Variants in AUTS2 observed in about 807,000 individuals in gnomAD.
AUTS2 encodes activator of transcription and developmental regulator AUTS2, also known as autism susceptibility gene 2 protein.
Under a neutral mutation model 112.4 loss-of-function variants are expected in AUTS2, and 17 were observed. That is an observed-to-expected ratio of 0.15 (90% CI 0.10 to 0.23). AUTS2 has a LOEUF of 0.23. Among genes scored for constraint, AUTS2 ranks in the 10% least tolerant of loss-of-function variants. The pLI, the probability that AUTS2 is intolerant of heterozygous loss-of-function variation, is 1.00. For missense variants in AUTS2, 1,510 were observed against 1,701.6 expected, an observed-to-expected ratio of 0.89 and a Z score of 1.98; for synonymous variants, 751 against 702.7, an observed-to-expected ratio of 1.07 and a Z score of -1.09.
chr7:70,534,950 T>C (rs1800254138), intron 5 of AUTS2, among the ~76,000 whole-genome samples: 1 of 151,668 alleles, frequency 6.6e-6, no homozygotes, highest in African/African-American at 2.4e-5. Context: ...GAGGCCTGCA[T>C]AGAGTTGAAT....
At chr7:70,124,942 C>T (rs1056009755) in intron 3 of AUTS2, among the ~76,000 whole-genome samples, 3 of 152,208 alleles carry the variant, frequency 2.0e-5, no homozygotes, top group Non-Finnish European at 1.5e-5. Flanking sequence ...TTTGTTTTTT[C>T]TTTAAAAATT....
chr7:70,651,519 A>G (rs1806505973), intron 5 of AUTS2, among the ~76,000 whole-genome samples: 1 of 152,212 alleles, frequency 6.6e-6, no homozygotes, highest in South Asian at 2.1e-4. Context: ...ACACGCTCAA[A>G]ACACTTACAT....
intron 4 of AUTS2, among the ~76,000 whole-genome samples, chr7:70,280,976 G>A (rs960799789): frequency 6.6e-6 from 1 of 152,018 alleles, no homozygotes; most frequent in Non-Finnish European, 1.5e-5. Context: ...GGCAAATAGT[G>A]TATCTATGTC....
At chr7:70,636,159 A>T (rs971295829) in intron 5 of AUTS2, among the ~76,000 whole-genome samples, 3 of 152,216 alleles carry the variant, frequency 2.0e-5, no homozygotes, top group African/African-American at 7.2e-5. Flanking sequence ...CATTGCAGAG[A>T]GGCATGGATG....
intron 4 of AUTS2, among the ~76,000 whole-genome samples, chr7:70,156,927 A>AAAATG (rs1807802830): frequency 7.2e-6 from 1 of 138,550 alleles, no homozygotes; most frequent in Non-Finnish European, 1.5e-5. Context: ...AAAAAAAAAA[A>AAAATG]TTAGCTGGGC....
At chr7:70,084,128 T>C (rs1030459915) in intron 2 of AUTS2, among the ~76,000 whole-genome samples, 1 of 152,114 alleles carries the variant, frequency 6.6e-6, no homozygotes, top group East Asian at 1.9e-4. Context: ...CACTATAAAG[T>C]TGTATACATT....
chr7:70,694,091 G>A lies in AUTS2; in HGVS notation c.691-4478G>A, dbSNP rs1401602169. 1 of 151,474 alleles carries A rather than the reference G, an allele frequency of 6.6e-6. No homozygotes were observed. Among genetic ancestry groups the A allele is most frequent in the Non-Finnish European group, 1.5e-5 (1 of 67,778 alleles). The allele number at this position is 151,474 out of a possible 1,614,324, so 9.4% of individuals were successfully genotyped here. A position where few individuals can be genotyped will look rare whatever the true frequency, so the allele number is the denominator to read the frequency against. ...TGGAGGAGGCGCGCTCGGCGCAGTC[G>A]GGGAGCGAAGTCCGGAGCAAGGGGC... On this transcript the variant is annotated intron_variant, in intron 5 of 18. Transcript: ENST00000342771. This position sits in a 1 kb window ranked among gnomAD's most constrained non-coding sequence, Gnocchi z 4.1.
intron 1 of AUTS2, among the ~76,000 whole-genome samples, chr7:69,617,420 G>A (rs551929944): frequency 6.6e-5 from 10 of 152,262 alleles, no homozygotes; most frequent in Non-Finnish European, 1.0e-4. Context: ...ATAACCCGGA[G>A]GAGAGCTTTC....
intron 4 of AUTS2, among the ~76,000 whole-genome samples, chr7:70,213,174 A>T (rs879451844): frequency 5.8e-4 from 88 of 152,152 alleles, no homozygotes; most frequent in East Asian, 1.5e-3. Flanking sequence ...GAATTTTTTT[A>T]AAAAAAGAAA....
At chr7:69,925,891 G>A (rs560194213) in intron 2 of AUTS2, among the ~76,000 whole-genome samples, 5 of 152,258 alleles carry the variant, frequency 3.3e-5, no homozygotes, top group African/African-American at 4.8e-5. Flanking sequence ...ATGGTGGTGC[G>A]CCTATAGTCC....
At chr7:70,261,176 A>C (rs1787152472) in intron 4 of AUTS2, among the ~76,000 whole-genome samples, 1 of 152,254 alleles carries the variant, frequency 6.6e-6, no homozygotes, top group Non-Finnish European at 1.5e-5. Context: ...ATTCCTAACA[A>C]CATGGATGAA....
At chr7:69,978,687 A>T (rs1207553930) in intron 2 of AUTS2, among the ~76,000 whole-genome samples, 2 of 152,220 alleles carry the variant, frequency 1.3e-5, no homozygotes, top group South Asian at 4.2e-4. Flanking sequence ...AAAAATAAAA[A>T]AATAAAAATT....
intron 1 of AUTS2, among the ~76,000 whole-genome samples, chr7:69,733,729 C>G (rs571885920): frequency 1.4e-4 from 21 of 152,256 alleles, no homozygotes; most frequent in African/African-American, 5.1e-4. Flanking sequence ...TGTGGGGGTA[C>G]TGTTCCTTTT....
At chr7:70,739,736 G>A (rs559124646) in intron 6 of AUTS2, among the ~76,000 whole-genome samples, 1 of 151,076 alleles carries the variant, frequency 6.6e-6, no homozygotes, top group Admixed American at 6.6e-5. Context: ...GGTCACCAAG[G>A]CTGTGCTTGA....
chr7:69,972,461 A>T (rs1797886642), intron 2 of AUTS2, among the ~76,000 whole-genome samples: 1 of 152,142 alleles, frequency 6.6e-6, no homozygotes, highest in Non-Finnish European at 1.5e-5. Context: ...ACTTTGATGC[A>T]GTCCAGTGTA....
chr7:70,689,488 C>T (rs1399406035), intron 5 of AUTS2, among the ~76,000 whole-genome samples: 1 of 151,908 alleles, frequency 6.6e-6, no homozygotes, highest in African/African-American at 2.4e-5. Context: ...ATAAAGATGT[C>T]GTTCCCAGCC....
intron 5 of AUTS2, among the ~76,000 whole-genome samples, chr7:70,585,859 T>C (rs1802659590): frequency 1.1e-3 from 1 of 902 alleles, no homozygotes; most frequent in South Asian, 0.026. Context: ...TATTTATTTA[T>C]GTATGTATAT....
At chr7:69,839,896 G>A (rs1251412395) in intron 1 of AUTS2, among the ~76,000 whole-genome samples, 8 of 152,040 alleles carry the variant, frequency 5.3e-5, no homozygotes, top group Admixed American at 5.2e-4. Flanking sequence ...GGGGGGATGG[G>A]GAAAGATAAA....
intron 1 of AUTS2, among the ~76,000 whole-genome samples, chr7:69,785,752 G>T (rs1242800110): frequency 6.6e-6 from 1 of 152,190 alleles, no homozygotes; most frequent in Non-Finnish European, 1.5e-5. Flanking sequence ...GGCCTACTGT[G>T]TGCTGGGCTC....
Sources: gnomAD v4.1 joint callset for allele counts (sites outside exome capture counted in the v4.1 genomes callset) on GRCh38, gnomAD v4.1.1 for gene constraint, Gnocchi (gnomAD v3.1) non-coding constraint, MANE v1.5 for transcripts, NCBI Gene and HGNC (gene_info 2026-07-23, HGNC 2026-07-21) for gene names.